Variants in RIMS1 observed in about 807,000 individuals in gnomAD.
The protein encoded by RIMS1 is regulating synaptic membrane exocytosis 1, also known as regulating synaptic membrane exocytosis protein 1.
RIMS1 carries 83 observed loss-of-function variants against 214.1 expected under a neutral mutation model. The observed-to-expected ratio is 0.39, with a 90% CI of 0.32 to 0.47. The LOEUF is 0.47. Ranked by LOEUF, RIMS1 falls within the 20% of genes least tolerant of loss-of-function variation. The pLI is 0.99. For synonymous variants in RIMS1, 793 were observed against 786.8 expected (o/e 1.01, Z -0.13); for missense variants, 2,050 against 2,161.8 (o/e 0.95, Z 1.03).
At chr6:72,258,418 T>A in intron 17 of RIMS1, 137 bp downstream of exon 17, 1 of 908,788 alleles carries the variant, frequency 1.1e-6, no homozygotes, top group South Asian at 2.1e-5. Flanking sequence ...AGGCAAAATT[T>A]TTTTTATTCT....
intron 6 of RIMS1, among the ~76,000 whole-genome samples, chr6:72,187,814 G>T (rs918285815): frequency 6.6e-6 from 1 of 152,078 alleles, no homozygotes; most frequent in Non-Finnish European, 1.5e-5. Flanking sequence ...GATGGAGATT[G>T]ATATGTGTAT....
At chr6:72,127,278 A>AGAG (rs1285059918) in intron 4 of RIMS1, among the ~76,000 whole-genome samples, 1 of 151,622 alleles carries the variant, frequency 6.6e-6, no homozygotes. Flanking sequence ...CTTCTTTCTC[A>AGAG]GAGGCTAATA....
chr6:72,089,702 A>G (rs1835648203), intron 2 of RIMS1, among the ~76,000 whole-genome samples: 1 of 151,126 alleles, frequency 6.6e-6, no homozygotes. Context: ...TCATGCTGCT[A>G]TAAAGACACA....
In RIMS1 at chr6:72,311,519, A is replaced by G. The variant is rs1221830057; in HGVS notation, c.3964-1987A>G. Among the ~76,000 whole-genome samples the G allele has an allele frequency of 2.0e-5, 3 of 152,214 alleles. No homozygotes were observed. In the East Asian group the frequency reaches 5.8e-4, roughly 29 times the overall value. On this transcript the variant is annotated intron_variant, in intron 27 of 33. Transcript: ENST00000521978. ...CAAACATGAAATCATATAAATATTA[A>G]TAGCTCAGTTTAGATATAATAACAT... is the stretch of plus-strand genomic sequence containing the variant.
intron 2 of RIMS1, among the ~76,000 whole-genome samples, chr6:71,983,065 G>T (rs1798897676): frequency 6.6e-6 from 1 of 151,744 alleles, no homozygotes; most frequent in Admixed American, 6.6e-5. Context: ...TGATAATCCT[G>T]CCTGTGACTC....
At chr6:72,272,373 G>A (rs2083858651) in intron 22 of RIMS1, among the ~76,000 whole-genome samples, 1 of 152,032 alleles carries the variant, frequency 6.6e-6, no homozygotes, top group Non-Finnish European at 1.5e-5. Flanking sequence ...CTTTTCTTAG[G>A]ACAAAAGCTT....
intron 1 of RIMS1, among the ~76,000 whole-genome samples, chr6:71,949,353 G>A (rs1482516958): frequency 6.6e-6 from 1 of 151,882 alleles, no homozygotes; most frequent in Non-Finnish European, 1.5e-5. Context: ...TCCAACAATG[G>A]GGAGAAAAAA....
intron 28 of RIMS1, among the ~76,000 whole-genome samples, chr6:72,314,074 G>T (rs1012565827): frequency 6.6e-6 from 1 of 152,168 alleles, no homozygotes; most frequent in African/African-American, 2.4e-5. Flanking sequence ...GTGTGTGTGT[G>T]TATGTGGGTG....
intron 2 of RIMS1, among the ~76,000 whole-genome samples, chr6:72,016,222 A>AT (rs1022757257): frequency 6.6e-4 from 101 of 152,072 alleles, no homozygotes; most frequent in East Asian, 9.7e-4. Flanking sequence ...TTTGTTGATG[A>AT]TTTTTTTATA....
At chr6:72,137,871 G>A (rs2041548152) in intron 4 of RIMS1, among the ~76,000 whole-genome samples, 1 of 151,616 alleles carries the variant, frequency 6.6e-6, no homozygotes, top group African/African-American at 2.4e-5. Flanking sequence ...CGAGTAACTG[G>A]GACTACAGGT....
chr6:71,951,492 T>TTGTG (rs1554151372), intron 1 of RIMS1, among the ~76,000 whole-genome samples: 2 of 117,460 alleles, frequency 1.7e-5, no homozygotes, highest in Non-Finnish European at 3.4e-5. Flanking sequence ...TTTTTTTTTT[T>TTGTG]TGTGTGTGTG....
intron 2 of RIMS1, among the ~76,000 whole-genome samples, chr6:72,070,378 T>A (rs1286699975): frequency 6.6e-6 from 1 of 152,188 alleles, no homozygotes. Flanking sequence ...TACAATGGTA[T>A]TAGCCCTAAG....
intron 6 of RIMS1, chr6:72,216,985 T>A: frequency 7.2e-7 from 1 of 1,393,096 alleles, no homozygotes; most frequent in Non-Finnish European, 9.3e-7. Context: ...ACTTATGGCC[T>A]TGTTTAGTGT....
At chr6:72,275,142 A>AGG (rs2085601340) in intron 23 of RIMS1, among the ~76,000 whole-genome samples, 1 of 6,792 alleles carries the variant, frequency 1.5e-4, no homozygotes, top group Non-Finnish European at 2.9e-4. Context: ...ATATATATAT[A>AGG]TATATATATA....
chr6:72,022,658 G>C (rs192693563), intron 2 of RIMS1, among the ~76,000 whole-genome samples: 1 of 152,256 alleles, frequency 6.6e-6, no homozygotes, highest in East Asian at 1.9e-4. Flanking sequence ...GAAGATTTTA[G>C]TCGTGTTCGA....
chr6:72,369,891 C>T (rs1289924336), intron 29 of RIMS1, among the ~76,000 whole-genome samples: 1 of 152,176 alleles, frequency 6.6e-6, no homozygotes, highest in Non-Finnish European at 1.5e-5. Flanking sequence ...TTAGAGATAC[C>T]ACCCTGGGAG....
In RIMS1 at chr6:72,216,309, A is replaced by G. The variant is rs865778531; in HGVS notation, c.1679-17464A>G. The G allele has an allele frequency of 2.1e-4, 57 of 268,438 alleles. 1 individual carries two copies. Among genetic ancestry groups the G allele is most frequent in the African/African-American group, 1.3e-3 (55 of 43,562 alleles). 16.6% of individuals were successfully genotyped at this position (268,438 alleles called of 1,614,324 possible). On this transcript the variant is annotated intron_variant, in intron 6 of 33. Coordinates refer to ENST00000521978, the MANE Select transcript of RIMS1 (RefSeq NM_014989.7). Reference sequence around the variant, plus strand: ...ATGAATTATGCATCTACAGTCCTCAAAAATATGCATCTTTAAAAATATCAG... The same window carrying G: ...ATGAATTATGCATCTACAGTCCTCAGAAATATGCATCTTTAAAAATATCAG...
At chr6:72,143,058 G>A (rs538678311) in intron 4 of RIMS1, among the ~76,000 whole-genome samples, 1 of 152,010 alleles carries the variant, frequency 6.6e-6, no homozygotes, top group African/African-American at 2.4e-5. Context: ...GTATGTAGTG[G>A]ATAAAATTAT....
At chr6:72,189,230 C>T (rs1588806506) in intron 6 of RIMS1, among the ~76,000 whole-genome samples, 2 of 152,246 alleles carry the variant, frequency 1.3e-5, no homozygotes, top group South Asian at 2.1e-4. Context: ...TTTGCCTGAG[C>T]CCTGCAAAGT....
Sources: gnomAD v4.1 joint callset for allele counts (sites outside exome capture counted in the v4.1 genomes callset) on GRCh38, gnomAD v4.1.1 for gene constraint, MANE v1.5 for transcripts, NCBI Gene and HGNC (gene_info 2026-07-23, HGNC 2026-07-21) for gene names.